PDS5B: variants seen among roughly 807,000 people sequenced by gnomAD.
PDS5B encodes the protein sister chromatid cohesion protein PDS5 homolog B.
A neutral mutation model predicts 184.1 loss-of-function variants in PDS5B; 51 were observed. The ratio of observed to expected loss-of-function variants is 0.28; its 90% CI spans 0.22 to 0.35. The LOEUF is 0.35. PDS5B is among the 10% of genes least tolerant of loss of function. The pLI, the probability that PDS5B is intolerant of heterozygous loss-of-function variation, is 1.00. For missense variants in PDS5B, 1,180 were observed against 1,723.3 expected, an observed-to-expected ratio of 0.68 and a Z score of 5.58; for synonymous variants, 566 against 569.2, an observed-to-expected ratio of 0.99 and a Z score of 0.08.
intron 1 of PDS5B, among the ~76,000 whole-genome samples, chr13:32,591,406 C>A (rs1466274042): frequency 6.6e-6 from 1 of 152,160 alleles, no homozygotes; most frequent in East Asian, 1.9e-4. Flanking sequence ...CATGAGCCAC[C>A]ACGTCCGGCC....
intron 31 of PDS5B, among the ~76,000 whole-genome samples, chr13:32,769,865 T>C (rs1241183510): frequency 6.6e-6 from 1 of 152,204 alleles, no homozygotes; most frequent in East Asian, 1.9e-4. Flanking sequence ...AGTAAGATAC[T>C]GATCTTGAGA....
intron 1 of PDS5B, among the ~76,000 whole-genome samples, chr13:32,633,452 C>A (rs2140582458): frequency 6.6e-6 from 1 of 152,222 alleles, no homozygotes; most frequent in South Asian, 2.1e-4. Flanking sequence ...CGTGTTTGGA[C>A]AACACTGTCA....
intron 19 of PDS5B, among the ~76,000 whole-genome samples, chr13:32,716,850 C>CA (rs1952453267): frequency 8.8e-6 from 1 of 114,246 alleles, no homozygotes; most frequent in South Asian, 2.7e-4. Flanking sequence ...GTTGGGGGGT[C>CA]AGCCCCCCGC....
chr13:32,651,218 A>G (rs1298322851), intron 2 of PDS5B, among the ~76,000 whole-genome samples: 1 of 152,216 alleles, frequency 6.6e-6, no homozygotes, highest in African/African-American at 2.4e-5. Flanking sequence ...TCCACATCAT[A>G]TTCTCTTTTA....
chr13:32,652,118 C>T, intron 3 of PDS5B, 111 bp downstream of exon 3: 2 of 724,826 alleles, frequency 2.8e-6, no homozygotes, highest in Non-Finnish European at 4.7e-6. Context: ...TTGACATTAG[C>T]TACAGTAATC....
intron 31 of PDS5B, among the ~76,000 whole-genome samples, chr13:32,764,974 T>C (rs1462940524): frequency 6.6e-6 from 1 of 152,152 alleles, no homozygotes; most frequent in Admixed American, 6.5e-5. Context: ...TTAAAACTTC[T>C]TTCATTTAAT....
At chr13:32,678,122 G>A (rs550599387) in intron 9 of PDS5B, among the ~76,000 whole-genome samples, 27 of 152,238 alleles carry the variant, frequency 1.8e-4, no homozygotes, top group African/African-American at 4.8e-4. Flanking sequence ...GATACAATTA[G>A]CGAAATCTAA....
chr13:32,702,406 G>T (rs1269262379), intron 17 of PDS5B, among the ~76,000 whole-genome samples: 1 of 152,142 alleles, frequency 6.6e-6, no homozygotes, highest in Non-Finnish European at 1.5e-5. Context: ...AATTTATTAA[G>T]TAAGTAATCT....
At chr13:32,727,908 C>T (rs1296893658) in intron 19 of PDS5B, among the ~76,000 whole-genome samples, 2 of 151,488 alleles carry the variant, frequency 1.3e-5, no homozygotes, top group Non-Finnish European at 2.9e-5. Flanking sequence ...TTCTGGGGCT[C>T]CAATTACAAG....
chr13:32,741,094 G>C lies in PDS5B; in HGVS notation c.2421G>C (p.Lys807Asn). Reference protein sequence around the residue: ...LLMNDRLPGKKTTKLWVPDEE... With the variant: ...LLMNDRLPGKNTTKLWVPDEE... ...TTTATTTTTAGCTTCCAGGGAAAAA[G>C]ACAACTAAACTTTGGGTTCCAGATG... Residue 807 changes from lysine (K) to asparagine (N), a missense_variant, in exon 22 of 35, where the codon AAG (lysine) becomes AAC (asparagine). Transcript: ENST00000315596. 1 of 1,495,366 alleles carries C rather than the reference G, an allele frequency of 6.7e-7. No individual in the cohort carries two copies. The highest frequency in any genetic ancestry group is 9.2e-7 in the Non-Finnish European group (1 of 1,086,166). The allele number at this position is 1,495,366 out of a possible 1,614,324, so 92.6% of individuals were successfully genotyped here.
intron 1 of PDS5B, among the ~76,000 whole-genome samples, chr13:32,631,951 T>C (rs539889500): frequency 5.4e-4 from 82 of 152,236 alleles, no homozygotes; most frequent in Non-Finnish European, 9.4e-4. Flanking sequence ...GATATTCTTA[T>C]TAAAAACAAA....
At chr13:32,707,603 GT>G (rs967793383) in intron 18 of PDS5B, among the ~76,000 whole-genome samples, 15 of 122,504 alleles carry the variant, frequency 1.2e-4, no homozygotes, top group Non-Finnish European at 1.4e-4. Flanking sequence ...TTTTTCAAGA[GT>G]TTTTTTTTTT....
At chr13:32,709,279 A>G (rs1201412630) in intron 18 of PDS5B, among the ~76,000 whole-genome samples, 1 of 152,006 alleles carries the variant, frequency 6.6e-6, no homozygotes, top group Non-Finnish European at 1.5e-5. Context: ...CTTAAACACA[A>G]CCCATCTGAA....
At chr13:32,741,975 T>C (rs1953575279) in intron 22 of PDS5B, among the ~76,000 whole-genome samples, 1 of 152,130 alleles carries the variant, frequency 6.6e-6, no homozygotes, top group South Asian at 2.1e-4. Flanking sequence ...ACTTACCAGT[T>C]GGTAGGCATA....
chr13:32,772,297 A>G (rs2141043368), intron 33 of PDS5B, among the ~76,000 whole-genome samples: 1 of 152,292 alleles, frequency 6.6e-6, no homozygotes. Context: ...TCTATTACAT[A>G]TTTTTTGATG....
chr13:32,639,835 AC>A (rs1372554799), intron 1 of PDS5B, among the ~76,000 whole-genome samples: 1 of 152,224 alleles, frequency 6.6e-6, no homozygotes, highest in East Asian at 1.9e-4. Context: ...AGAAGGAAAA[AC>A]AGCTTTAAAT....
At chr13:32,627,958 T>A (rs759741639) in intron 1 of PDS5B, among the ~76,000 whole-genome samples, 19 of 152,220 alleles carry the variant, frequency 1.2e-4, no homozygotes, top group Non-Finnish European at 2.1e-4. Flanking sequence ...AGAAGCACTT[T>A]TGACATTTCA....
intron 1 of PDS5B, among the ~76,000 whole-genome samples, chr13:32,633,012 A>G (rs537242133): frequency 6.6e-6 from 1 of 152,334 alleles, no homozygotes; most frequent in African/African-American, 2.4e-5. Flanking sequence ...TTAAGCTCTG[A>G]TAAGTGCTGT....
At chr13:32,736,552 T>C (rs959127234) in intron 21 of PDS5B, among the ~76,000 whole-genome samples, 3 of 152,140 alleles carry the variant, frequency 2.0e-5, no homozygotes, top group African/African-American at 4.8e-5. Flanking sequence ...CTGTTTTCCA[T>C]TGGTTTCCAG....
Sources: gnomAD v4.1 joint callset for allele counts (sites outside exome capture counted in the v4.1 genomes callset) on GRCh38, gnomAD v4.1.1 for gene constraint, MANE v1.5 for transcripts, NCBI Gene and HGNC (gene_info 2026-07-23, HGNC 2026-07-21) for gene names.